The following ZNF644 variants were observed in gnomAD, a reference collection of about 807,000 sequenced individuals.
ZNF644 encodes zinc finger motif enhancer binding protein 2.
Under a neutral mutation model 108.0 loss-of-function variants are expected in ZNF644, and 20 were observed. The ratio of observed to expected loss-of-function variants is 0.19; its 90% CI spans 0.13 to 0.27. The LOEUF (loss-of-function observed/expected upper bound fraction) is 0.27. ZNF644 is among the 10% of genes least tolerant of loss of function. ZNF644 has a pLI of 1.00. For missense variants in ZNF644, 1,338 were observed against 1,548.9 expected (o/e 0.86, Z 2.29); for synonymous variants, 542 against 539.1 (o/e 1.01, Z -0.08).
intron 2 of ZNF644, among the ~76,000 whole-genome samples, chr1:90,973,553 G>A (rs1655709403): frequency 6.6e-6 from 1 of 151,168 alleles, no homozygotes; most frequent in African/African-American, 2.5e-5. Context: ...CTATATAAAT[G>A]TTAAATAAGT....
At chr1:90,988,274 A>C (rs1318508294) in intron 1 of ZNF644, among the ~76,000 whole-genome samples, 1 of 152,216 alleles carries the variant, frequency 6.6e-6, no homozygotes, top group East Asian at 1.9e-4. Context: ...TTTGAAAAAG[A>C]AATTAACACA....
intron 4 of ZNF644, 115 bp downstream of exon 4, chr1:90,937,370 A>AC: frequency 6.8e-7 from 1 of 1,466,726 alleles, no homozygotes; most frequent in Non-Finnish European, 9.4e-7. Flanking sequence ...TAAAAAAAAA[A>AC]AGCAGCTTAA....
At chr1:90,973,775 T>A (rs1411505612) in intron 2 of ZNF644, among the ~76,000 whole-genome samples, 1 of 152,160 alleles carries the variant, frequency 6.6e-6, no homozygotes, top group African/African-American at 2.4e-5. Context: ...CACTTCATTA[T>A]CTTGTGATAC....
intron 4 of ZNF644, among the ~76,000 whole-genome samples, chr1:90,921,739 C>CA (rs1174769263): frequency 0.015 from 1,839 of 126,808 alleles, 17 homozygotes; most frequent in African/African-American, 0.023. Flanking sequence ...AGGTCAAATG[C>CA]AAAAAAAAAA....
rs1176028369 is a variant in ZNF644 at position 90,938,906 on chromosome 1, C to T, written c.2448G>A (p.Lys816=). The part of the protein sequence containing the change: ...VAVKRVIKES[K]KESSVGGEDL... Reference sequence around the variant, plus strand: ...CTTCCCCTCCAACAGAACTTTCCTTCTTAGATTCCTTAATTACTCTCTTTA... The same window carrying T: ...CTTCCCCTCCAACAGAACTTTCCTTTTTAGATTCCTTAATTACTCTCTTTA... Residue 816 remains lysine, a synonymous_variant, in exon 3 of 6, where the codon AAG becomes AAA. Coordinates refer to ENST00000337393, the MANE Select transcript of ZNF644 (RefSeq NM_201269.3). The surrounding 1 kb of genome is among the most constrained non-coding windows in gnomAD (Gnocchi z 4.2). The T allele has an allele frequency of 6.2e-7, 1 of 1,614,004 alleles. No individual in the cohort carries two copies. Among genetic ancestry groups the T allele is most frequent in the South Asian group, 1.1e-5 (1 of 91,076 alleles).
In ZNF644 at chr1:90,940,229, T is replaced by G; in HGVS notation, c.1125A>C (p.Ser375=). 6.2e-7 allele frequency: 1 copy of G among 1,613,894 alleles called. No individual in the cohort carries two copies. Among genetic ancestry groups the G allele is most frequent in the Non-Finnish European group, 8.5e-7 (1 of 1,179,938 alleles). Residue 375 remains serine (S), a synonymous_variant, in exon 3 of 6, where the codon TCA becomes TCC. Transcript: ENST00000337393. ...AAAGAAAAGTGCTAGTATGAACAGGTGAACTCTCTTCTCCACACTTATCTG... is the reference window on the plus strand; with the variant it reads ...AAAGAAAAGTGCTAGTATGAACAGGGGAACTCTCTTCTCCACACTTATCTG... ...YNPDKCGEES[S]PVHTSTFLSN...
At chr1:91,005,885 A>C (rs935455721) in intron 1 of ZNF644, among the ~76,000 whole-genome samples, 5 of 151,866 alleles carry the variant, frequency 3.3e-5, no homozygotes, top group African/African-American at 1.2e-4. Flanking sequence ...CAAAGCAGAC[A>C]AAAGAAAAAA....
chr1:90,992,614 G>A (rs1657752452), intron 1 of ZNF644, among the ~76,000 whole-genome samples: 1 of 152,140 alleles, frequency 6.6e-6, no homozygotes, highest in South Asian at 2.1e-4. Context: ...AATTCTTACT[G>A]AAATATGAGT....
intron 4 of ZNF644, among the ~76,000 whole-genome samples, chr1:90,936,883 C>T (rs568357392): frequency 2.6e-5 from 4 of 152,282 alleles, no homozygotes; most frequent in Non-Finnish European, 5.9e-5. Flanking sequence ...AAACCTAAAA[C>T]CCCAAACAAA....
At chr1:90,975,402 C>T (rs1170396036) in intron 2 of ZNF644, among the ~76,000 whole-genome samples, 1 of 151,370 alleles carries the variant, frequency 6.6e-6, no homozygotes, top group African/African-American at 2.4e-5. Context: ...GGGCTTCAGC[C>T]TAGTTAGAAG....
At chr1:90,928,992 G>A (rs1650403578) in intron 4 of ZNF644, among the ~76,000 whole-genome samples, 1 of 152,022 alleles carries the variant, frequency 6.6e-6, no homozygotes, top group Non-Finnish European at 1.5e-5. Context: ...GCTCAGCGAT[G>A]AACAGTCTTG....
At chr1:90,935,222 A>G (rs1651194526) in intron 4 of ZNF644, among the ~76,000 whole-genome samples, 1 of 152,254 alleles carries the variant, frequency 6.6e-6, no homozygotes, top group Non-Finnish European at 1.5e-5. Context: ...AGCCAAAAGA[A>G]AAAGATTAAC....
At chr1:91,007,225 GTTTTTTTTTTTTTT>G (rs35761791) in intron 1 of ZNF644, among the ~76,000 whole-genome samples, 19 of 55,972 alleles carry the variant, frequency 3.4e-4, no homozygotes, top group South Asian at 7.2e-4. Context: ...CTCCCATTTT[GTTTTTTTTTTTTTT>G]TTTTTTTTTT....
chr1:90,951,378 T>A (rs1489640543), intron 2 of ZNF644, among the ~76,000 whole-genome samples: 1 of 152,212 alleles, frequency 6.6e-6, no homozygotes, highest in Non-Finnish European at 1.5e-5. Context: ...CGTTTCCTAC[T>A]CCTCTCCCCA....
chr1:90,926,401 A>AT (rs1469178145), intron 4 of ZNF644, among the ~76,000 whole-genome samples: 1 of 152,194 alleles, frequency 6.6e-6, no homozygotes, highest in African/African-American at 2.4e-5. Context: ...CCCATTCAAC[A>AT]TAACTTCCTG....
intron 2 of ZNF644, among the ~76,000 whole-genome samples, chr1:90,960,159 G>C (rs575372590): frequency 6.6e-6 from 1 of 152,260 alleles, no homozygotes; most frequent in South Asian, 2.1e-4. Flanking sequence ...ATATGTCAAA[G>C]AGAAGCTGTA....
At chr1:90,943,043 C>T (rs902594207) in intron 2 of ZNF644, among the ~76,000 whole-genome samples, 2 of 152,170 alleles carry the variant, frequency 1.3e-5, no homozygotes, top group East Asian at 3.8e-4. Context: ...TACAATCTAA[C>T]ATTTAGAAAT....
At position 90,999,797 on chromosome 1, in the gene ZNF644, C is replaced by A. The variant is rs189656387; in HGVS notation, c.-17-17427G>T. 7.2e-5 allele frequency among the ~76,000 whole-genome samples: 11 copies of A among 152,286 alleles called. No homozygotes were observed. In the East Asian group the frequency reaches 1.5e-3, roughly 21 times the overall value. ...TGTGCTGTATTCAGAAGACCCATCT[C>A]ACGTGCACAGACACAAATAGGCTCA... On this transcript the variant is annotated intron_variant, in intron 1 of 5. Transcript: ENST00000337393.
chr1:90,995,595 T>G (rs1658073366), intron 1 of ZNF644, among the ~76,000 whole-genome samples: 1 of 152,064 alleles, frequency 6.6e-6, no homozygotes, highest in Non-Finnish European at 1.5e-5. Flanking sequence ...TATATCATAG[T>G]CAAGCTGGTG....
Sources: allele counts gnomAD v4.1 joint callset (sites outside exome capture counted in the v4.1 genomes callset), GRCh38; gene constraint gnomAD v4.1.1; non-coding constraint Gnocchi (gnomAD v3.1); transcripts MANE v1.5; gene names NCBI Gene and HGNC (gene_info 2026-07-23, HGNC 2026-07-21).